Variants in MID1 observed in about 807,000 individuals in gnomAD.
MID1 encodes E3 ubiquitin-protein ligase Midline-1.
A neutral mutation model predicts 40.4 loss-of-function variants in MID1; 7 were observed. The ratio of observed to expected loss-of-function variants is 0.17; its 90% CI spans 0.10 to 0.33. The LOEUF is 0.33. MID1 is among the 10% of genes least tolerant of loss of function. The pLI, the probability that MID1 is intolerant of heterozygous loss-of-function variation, is 1.00. For missense variants in MID1, 367 were observed against 558.5 expected, an observed-to-expected ratio of 0.66 and a Z score of 3.46; for synonymous variants, 229 against 221.2, an observed-to-expected ratio of 1.04 and a Z score of -0.31.
At chrX:10,580,539 T>C (rs1934985425) in intron 1 of MID1, among the ~76,000 whole-genome samples, 1 of 111,314 alleles carries the variant, frequency 9.0e-6, no homozygotes, top group South Asian at 3.8e-4. Context: ...ACTTTTCTTC[T>C]GATGCAAATT....
At chrX:10,527,153 C>T (rs922436435) in intron 2 of MID1, among the ~76,000 whole-genome samples, 2 of 111,764 alleles carry the variant, frequency 1.8e-5, no homozygotes, top group Non-Finnish European at 3.8e-5. Context: ...TCTATACTGC[C>T]CTATGGATAT....
intron 1 of MID1, among the ~76,000 whole-genome samples, chrX:10,628,989 TC>T (rs1346441294): frequency 1.8e-5 from 2 of 111,117 alleles, no homozygotes; most frequent in African/African-American, 6.6e-5. Context: ...CAGATGCAGG[TC>T]CCCTTTGGAA....
Position 10,825,706 on chromosome X carries a change from C to A in MID1, c.-187+7848G>T, listed in dbSNP as rs753310255. Among the ~76,000 whole-genome samples, 185 of 111,595 alleles carry A rather than the reference C, an allele frequency of 1.7e-3. 1 individual carries two copies. Among genetic ancestry groups the A allele is most frequent in the African/African-American group, 5.5e-3 (170 of 30,719 alleles). On this transcript the variant is annotated intron_variant, in intron 1 of 10. Coordinates refer to the MID1 transcript ENST00000380785. ...AATGAAATAGAAAGAATTCGCCAGA[C>A]AACTGAAGTTAATAGCTGTCCTGTA...
intron 1 of MID1, among the ~76,000 whole-genome samples, chrX:10,769,683 T>G (rs2043752890): frequency 8.9e-6 from 1 of 112,400 alleles, no homozygotes; most frequent in South Asian, 3.7e-4. Context: ...TTCCCACTCC[T>G]GTTCTTTTCA....
intron 1 of MID1, among the ~76,000 whole-genome samples, chrX:10,815,972 A>G (rs773444915): frequency 1.8e-5 from 2 of 111,517 alleles, no homozygotes; most frequent in Non-Finnish European, 3.8e-5. Flanking sequence ...TCTGTGGACC[A>G]ACAGCATCAG....
At chrX:10,506,288 T>C (rs1364923375) in intron 3 of MID1, 4 of 1,017,610 alleles carry the variant, frequency 3.9e-6, no homozygotes, top group Non-Finnish European at 5.0e-6. Flanking sequence ...TTAGACATGG[T>C]TGGCAGTTGT....
chrX:10,560,355 T>C (rs756620887), intron 2 of MID1, among the ~76,000 whole-genome samples: 94 of 111,401 alleles, frequency 8.4e-4, no homozygotes, highest in Non-Finnish European at 1.5e-3. Flanking sequence ...CAACACAGTA[T>C]TGGAAATTCT....
At chrX:10,449,885 C>T (rs1928221332) in intron 9 of MID1, among the ~76,000 whole-genome samples, 169 bp from the exon 10 acceptor site, 1 of 112,137 alleles carries the variant, frequency 8.9e-6, no homozygotes, top group African/African-American at 3.2e-5. Context: ...TCCTCATCTC[C>T]TTCCCTCCCA....
intron 2 of MID1, among the ~76,000 whole-genome samples, chrX:10,540,434 G>T (rs1276497592): frequency 8.9e-6 from 1 of 111,772 alleles, no homozygotes; most frequent in Non-Finnish European, 1.9e-5. Context: ...ACGTCCTGAG[G>T]TTCATAGTAA....
intron 1 of MID1, among the ~76,000 whole-genome samples, chrX:10,780,577 T>G (rs887673430): frequency 2.7e-5 from 3 of 112,268 alleles, no homozygotes; most frequent in African/African-American, 9.7e-5. Context: ...CTAAACTAAT[T>G]GTTGAAACAT....
At chrX:10,636,361 G>T (rs1012225300) in intron 1 of MID1, among the ~76,000 whole-genome samples, 6 of 111,524 alleles carry the variant, frequency 5.4e-5, no homozygotes, top group Non-Finnish European at 9.4e-5. Context: ...ACAGTAATCT[G>T]TAGTTTTTTT....
chrX:10,708,571 G>A (rs1004508877), intron 1 of MID1, among the ~76,000 whole-genome samples: 5 of 111,370 alleles, frequency 4.5e-5, no homozygotes, highest in Admixed American at 9.6e-5. Context: ...TAGCTTCTCC[G>A]TAGGCCGCTT....
At chrX:10,501,300 C>T in intron 3 of MID1, 1 of 783,604 alleles carries the variant, frequency 1.3e-6, no homozygotes, top group Non-Finnish European at 1.8e-6. Flanking sequence ...TTTTTTCTCA[C>T]CTCAAGTACA....
chrX:10,626,219 T>C (rs1475422698), intron 1 of MID1, among the ~76,000 whole-genome samples: 1 of 110,782 alleles, frequency 9.0e-6, no homozygotes, highest in Non-Finnish European at 1.9e-5. Context: ...TTTGCTTCTT[T>C]TCAACAGAAC....
chrX:10,454,399 T>C (rs186125818), intron 9 of MID1, among the ~76,000 whole-genome samples: 1 of 112,329 alleles, frequency 8.9e-6, no homozygotes, highest in East Asian at 2.8e-4. Flanking sequence ...AGTAAGTAAA[T>C]ATTTTTGGCT....
chrX:10,824,614 G>A (rs1456966460), intron 1 of MID1, among the ~76,000 whole-genome samples: 2 of 112,149 alleles, frequency 1.8e-5, no homozygotes, highest in African/African-American at 6.5e-5. Context: ...AAATGAAAAT[G>A]GCAGTCCCTT....
At chrX:10,561,030 ATGG>A (rs1314961832) in intron 2 of MID1, among the ~76,000 whole-genome samples, 1 of 106,806 alleles carries the variant, frequency 9.4e-6, no homozygotes, top group Admixed American at 9.7e-5. Context: ...ATATAGACCA[ATGG>A]AACAGAACAG....
chrX:10,487,246 A>T (rs922948376), intron 4 of MID1, among the ~76,000 whole-genome samples: 2 of 111,316 alleles, frequency 1.8e-5, no homozygotes, highest in Non-Finnish European at 3.8e-5. Flanking sequence ...GACCCTCTCA[A>T]ATTTAGAGCT....
intron 1 of MID1, among the ~76,000 whole-genome samples, chrX:10,745,952 T>A (rs988542541): frequency 2.7e-5 from 3 of 112,284 alleles, no homozygotes; most frequent in African/African-American, 9.7e-5. Flanking sequence ...CTTGTGATGT[T>A]CAGAGTCTGT....
Sources: allele counts gnomAD v4.1 joint callset (sites outside exome capture counted in the v4.1 genomes callset), GRCh38; gene constraint gnomAD v4.1.1; transcripts MANE v1.5; gene names NCBI Gene and HGNC (gene_info 2026-07-23, HGNC 2026-07-21).